Variants in DENND2B observed in about 807,000 individuals in gnomAD.
The protein encoded by DENND2B is DENN domain-containing protein 2B.
Under a neutral mutation model 116.0 loss-of-function variants are expected in DENND2B, and 32 were observed. That is an observed-to-expected ratio of 0.28 (90% CI 0.21 to 0.37). The LOEUF is 0.37. Among genes scored for constraint, DENND2B ranks in the 10% least tolerant of loss-of-function variants. The pLI, the probability that DENND2B is intolerant of heterozygous loss-of-function variation, is 1.00. For missense variants in DENND2B, 1,276 were observed against 1,477.7 expected, an observed-to-expected ratio of 0.86 and a Z score of 2.24; for synonymous variants, 588 against 583.9, an observed-to-expected ratio of 1.01 and a Z score of -0.10.
At chr11:8,894,538 C>A (rs375257902) in intron 1 of DENND2B, among the ~76,000 whole-genome samples, 10 of 140,458 alleles carry the variant, frequency 7.1e-5, no homozygotes, top group South Asian at 6.6e-4. Flanking sequence ...CAATGAACTC[C>A]AACAAATTTA....
intron 1 of DENND2B, among the ~76,000 whole-genome samples, chr11:8,793,641 C>T (rs1031319568): frequency 3.9e-5 from 6 of 152,106 alleles, no homozygotes; most frequent in African/African-American, 1.2e-4. Flanking sequence ...TTGTTTCCAC[C>T]TTCTCGCTGC....
Position 8,865,413 on chromosome 11 carries a change from G to T in DENND2B, c.-250+5541C>A, listed in dbSNP as rs189547568. On this transcript the variant is annotated intron_variant, in intron 2 of 6. Coordinates refer to the DENND2B transcript ENST00000524757. ...CTCTAATTGCCAACATATCTGATAT[G>T]AACTTCCTGCATAAAACAAAACACA... Among the ~76,000 whole-genome samples, 363 of 152,204 alleles carry T rather than the reference G, an allele frequency of 2.4e-3. 2 individuals are homozygous for T. Among genetic ancestry groups the T allele is most frequent in the African/African-American group, 8.5e-3 (353 of 41,540 alleles).
intron 1 of DENND2B, among the ~76,000 whole-genome samples, chr11:8,796,264 G>A (rs112812553): frequency 0.013 from 1,996 of 152,300 alleles, 39 homozygotes; most frequent in African/African-American, 0.047. Flanking sequence ...AGTATGGACC[G>A]GACACAGTGG....
At chr11:8,892,287 C>G (rs1000666549) in intron 1 of DENND2B, among the ~76,000 whole-genome samples, 2 of 152,102 alleles carry the variant, frequency 1.3e-5, no homozygotes, top group Non-Finnish European at 2.9e-5. Context: ...CAAGAGAAAG[C>G]AGGAAAGATC....
intron 1 of DENND2B, among the ~76,000 whole-genome samples, chr11:8,772,621 G>A (rs2057084792): frequency 6.6e-6 from 1 of 152,264 alleles, no homozygotes; most frequent in East Asian, 1.9e-4. Context: ...GTGTGTGTGA[G>A]AGAGAAGGAA....
intron 4 of DENND2B, among the ~76,000 whole-genome samples, chr11:8,721,748 G>A (rs1301375579): frequency 6.6e-6 from 1 of 152,206 alleles, no homozygotes; most frequent in South Asian, 2.1e-4. Context: ...ATCCCAGTGG[G>A]TGCCCTCTGC....
At chr11:8,771,560 A>AGGAG (rs1555183115) in intron 1 of DENND2B, 1 of 149,608 alleles carries the variant, frequency 6.7e-6, no homozygotes, top group Non-Finnish European at 1.5e-5. Context: ...AGAGAGAGAG[A>AGGAG]GAGAGAGCCT....
rs546120381 is a variant in DENND2B, at chr11:8,745,905, TA to T, written c.80+4715del. On this transcript the variant is annotated intron_variant, in intron 2 of 19. Coordinates refer to ENST00000313726, the MANE Select transcript of DENND2B (RefSeq NM_213618.2). Reference sequence around the variant, plus strand: ...ATTGAGTCACCCATAACTTTCAAGCTACCCCCAGCTGATGCTGCAAGGAACA... The same window carrying T: ...ATTGAGTCACCCATAACTTTCAAGCTCCCCCAGCTGATGCTGCAAGGAACA... 2.0e-5 allele frequency among the ~76,000 whole-genome samples: 3 copies of T among 152,370 alleles called. No individual in the cohort carries two copies. The South Asian group carries it at 6.2e-4, about 32-fold the overall frequency.
intron 4 of DENND2B, among the ~76,000 whole-genome samples, chr11:8,828,193 C>G (rs1242824327): frequency 6.6e-6 from 1 of 152,152 alleles, no homozygotes; most frequent in African/African-American, 2.4e-5. Flanking sequence ...AGATCTAAAG[C>G]AAGTAAAGGA....
chr11:8,906,916 G>T (rs972309580), intron 1 of DENND2B, among the ~76,000 whole-genome samples: 1 of 152,134 alleles, frequency 6.6e-6, no homozygotes, highest in African/African-American at 2.4e-5. Context: ...ACAGTTTCTG[G>T]TATGTACAGT....
chr11:8,842,241 C>T (rs1281986282), intron 3 of DENND2B, among the ~76,000 whole-genome samples: 2 of 152,096 alleles, frequency 1.3e-5, no homozygotes, highest in East Asian at 3.8e-4. Flanking sequence ...AAACAGGGAG[C>T]TGGAAATACT....
At chr11:8,870,527 G>A (rs2063743823) in intron 2 of DENND2B, among the ~76,000 whole-genome samples, 1 of 144,772 alleles carries the variant, frequency 6.9e-6, no homozygotes, top group African/African-American at 2.5e-5. Context: ...GTGTGTGTGC[G>A]CGCGCGCGCG....
chr11:8,893,590 T>C (rs2064060473), intron 1 of DENND2B, among the ~76,000 whole-genome samples: 1 of 152,138 alleles, frequency 6.6e-6, no homozygotes, highest in African/African-American at 2.4e-5. Context: ...CACAGCATTC[T>C]TATACACCAA....
chr11:8,765,748 C>T (rs551895537), intron 1 of DENND2B, among the ~76,000 whole-genome samples: 47 of 152,028 alleles, frequency 3.1e-4, no homozygotes, highest in Admixed American at 2.0e-3. Context: ...TTGTTTAAAC[C>T]TACTTAAGGC....
At chr11:8,736,186 T>C (rs996241058) in intron 2 of DENND2B, among the ~76,000 whole-genome samples, 4 of 152,134 alleles carry the variant, frequency 2.6e-5, no homozygotes, top group Non-Finnish European at 4.4e-5. Context: ...GAGATACATT[T>C]TGGCTCTCCA....
rs746812076 is a variant in DENND2B, at chr11:8,702,038, C to T, written c.2720+534G>A. On this transcript the variant is annotated intron_variant, in intron 14 of 19. Coordinates refer to ENST00000313726, the MANE Select transcript of DENND2B (RefSeq NM_213618.2). The surrounding 1 kb of genome is among the most constrained non-coding windows in gnomAD (Gnocchi z 4.6). ...TCAGTGCCCCCATCACATCCTTCTC[C>T]CCAGCCCTCCCATTGCCCAGCCCTG... Among the ~76,000 whole-genome samples the T allele has an allele frequency of 4.5e-4, 68 of 152,262 alleles. No individual in the cohort carries two copies. Among genetic ancestry groups the T allele is most frequent in the Non-Finnish European group, 7.1e-4 (48 of 68,022 alleles).
At chr11:8,713,789 G>T (rs2044218765) in intron 8 of DENND2B, among the ~76,000 whole-genome samples, 1 of 152,204 alleles carries the variant, frequency 6.6e-6, no homozygotes, top group Non-Finnish European at 1.5e-5. Flanking sequence ...GAGACATCTG[G>T]ATTTAACCTT....
intron 2 of DENND2B, among the ~76,000 whole-genome samples, chr11:8,862,883 A>G (rs1344374752): frequency 1.3e-5 from 2 of 152,156 alleles, no homozygotes; most frequent in African/African-American, 4.8e-5. Context: ...AGGCGACTCA[A>G]ATGTAGACAG....
At chr11:8,856,849 T>C (rs2742550) in intron 3 of DENND2B, among the ~76,000 whole-genome samples, 83,179 of 151,482 alleles carry the variant, frequency 0.55, 23,010 homozygotes, top group Middle Eastern at 0.73. Flanking sequence ...GAACTCCTGG[T>C]CTCAAGCAAT....
Sources: allele counts gnomAD v4.1 joint callset (sites outside exome capture counted in the v4.1 genomes callset), GRCh38; gene constraint gnomAD v4.1.1; non-coding constraint Gnocchi (gnomAD v3.1); transcripts MANE v1.5; gene names NCBI Gene and HGNC (gene_info 2026-07-23, HGNC 2026-07-21).